SAMMSON: variants seen among roughly 807,000 people sequenced by gnomAD.
SAMMSON encodes the protein long intergenic non-protein coding RNA 1212.
At chr3:70,158,867 A>G (rs1327366106) in intron 4 of SAMMSON, among the ~76,000 whole-genome samples, 1 of 152,090 alleles carries the variant, frequency 6.6e-6, no homozygotes, top group Admixed American at 6.6e-5. Flanking sequence ...GTGTATTTTT[A>G]ATATCAAAGC....
chr3:70,431,988 T>A lies in SAMMSON; in HGVS notation n.234-30572T>A, dbSNP rs115519978. ...TTATTAACAAATTGAGCATATTTTG[T>A]TTCTGCTTTTTAACTATTAATAATA... On this transcript the variant is annotated intron_variant and non_coding_transcript_variant, in intron 2 of 3. Transcript: ENST00000641053. 9.8e-3 allele frequency among the ~76,000 whole-genome samples: 1,493 copies of A among 151,640 alleles called. 13 individuals are homozygous for A. The highest frequency in any genetic ancestry group is 0.016 in the Non-Finnish European group (1,067 of 67,884).
chr3:70,369,497 C>T (rs1194288009), intron 9 of SAMMSON, among the ~76,000 whole-genome samples: 7 of 150,570 alleles, frequency 4.6e-5, no homozygotes, highest in Non-Finnish European at 1.0e-4. Flanking sequence ...ATTTTTTTTC[C>T]GTACCTGTAT....
At chr3:70,220,588 A>G (rs1220098475) in intron 4 of SAMMSON, among the ~76,000 whole-genome samples, 1 of 152,202 alleles carries the variant, frequency 6.6e-6, no homozygotes, top group East Asian at 1.9e-4. Context: ...GGTTGGAAAC[A>G]TAGTCAGGAC....
chr3:70,320,998 G>GA (rs1004608664), intron 7 of SAMMSON, among the ~76,000 whole-genome samples: 1 of 151,832 alleles, frequency 6.6e-6, no homozygotes, highest in South Asian at 2.1e-4. Context: ...AAAGAGCTTG[G>GA]AAAAAAACCT....
intron 6 of SAMMSON, among the ~76,000 whole-genome samples, chr3:70,262,502 G>T (rs1035518168): frequency 2.0e-5 from 3 of 152,198 alleles, no homozygotes; most frequent in African/African-American, 7.2e-5. Context: ...TATGGGGATG[G>T]CTTGGGGGCT....
intron 4 of SAMMSON, among the ~76,000 whole-genome samples, chr3:70,195,699 A>G (rs1464288422): frequency 2.0e-5 from 3 of 152,132 alleles, no homozygotes; most frequent in Non-Finnish European, 4.4e-5. Context: ...ATGCTTTTTT[A>G]TATTCAGTGA....
chr3:70,294,358 A>G (rs914293617), intron 7 of SAMMSON, among the ~76,000 whole-genome samples: 3 of 152,144 alleles, frequency 2.0e-5, no homozygotes, highest in African/African-American at 7.2e-5. Context: ...ATTCAATTCT[A>G]TTTCAATTTA....
intron 4 of SAMMSON, among the ~76,000 whole-genome samples, chr3:70,237,603 A>G (rs1166821484): frequency 6.6e-6 from 1 of 152,210 alleles, no homozygotes; most frequent in Non-Finnish European, 1.5e-5. Context: ...ACTCCCACAG[A>G]GCTAAACCTA....
intron 4 of SAMMSON, among the ~76,000 whole-genome samples, chr3:70,098,846 G>A (rs143940496): frequency 9.2e-5 from 14 of 152,196 alleles, no homozygotes; most frequent in Admixed American, 4.6e-4. Context: ...AAAGTGTGGC[G>A]ATTATTGTTT....
intron 6 of SAMMSON, among the ~76,000 whole-genome samples, chr3:70,263,642 G>A (rs1701888490): frequency 6.6e-6 from 1 of 152,192 alleles, no homozygotes; most frequent in African/African-American, 2.4e-5. Context: ...TTCAGCAAAA[G>A]ACTCAAGGGA....
intron 9 of SAMMSON, among the ~76,000 whole-genome samples, chr3:70,361,315 A>C (rs1021862745): frequency 6.6e-6 from 1 of 152,216 alleles, no homozygotes; most frequent in East Asian, 1.9e-4. Flanking sequence ...AACTGAATGC[A>C]GTCACATCCG....
chr3:70,206,126 A>G (rs1055150243), intron 4 of SAMMSON, among the ~76,000 whole-genome samples: 5 of 152,032 alleles, frequency 3.3e-5, no homozygotes, highest in Non-Finnish European at 7.4e-5. Context: ...GAGATTGCTT[A>G]ATCTCATAGA....
chr3:70,016,378 G>A (rs2066985815), intron 3 of SAMMSON, among the ~76,000 whole-genome samples: 1 of 152,124 alleles, frequency 6.6e-6, no homozygotes. Flanking sequence ...AGAAGACATT[G>A]AGATCCTTTT....
intron 4 of SAMMSON, among the ~76,000 whole-genome samples, chr3:70,194,962 T>C (rs144637006): frequency 6.6e-6 from 1 of 152,086 alleles, no homozygotes; most frequent in Non-Finnish European, 1.5e-5. Flanking sequence ...GAAACAACTG[T>C]TGATGAGTCA....
At chr3:70,214,956 A>T (rs889173390) in intron 4 of SAMMSON, among the ~76,000 whole-genome samples, 3 of 152,164 alleles carry the variant, frequency 2.0e-5, no homozygotes, top group African/African-American at 7.2e-5. Flanking sequence ...CTGAAAAAAT[A>T]AATGAAGCCA....
intron 4 of SAMMSON, among the ~76,000 whole-genome samples, chr3:70,088,124 A>C (rs1465900126): frequency 6.6e-6 from 1 of 152,142 alleles, no homozygotes; most frequent in African/African-American, 2.4e-5. Context: ...TTCTTCACTT[A>C]GGGTCTCCAA....
intron 2 of SAMMSON, among the ~76,000 whole-genome samples, chr3:70,403,028 G>A (rs964927969): frequency 3.9e-5 from 6 of 151,990 alleles, no homozygotes; most frequent in Non-Finnish European, 8.8e-5. Flanking sequence ...TGGTCTGTAT[G>A]CTTTATAGTC....
intron 3 of SAMMSON, among the ~76,000 whole-genome samples, chr3:70,038,168 A>G (rs1195689667): frequency 1.3e-5 from 2 of 152,150 alleles, no homozygotes; most frequent in South Asian, 2.1e-4. Context: ...TTTGATCCCC[A>G]ATGTGGCAGT....
chr3:70,328,327 T>G (rs183275018), intron 7 of SAMMSON, among the ~76,000 whole-genome samples: 1 of 152,160 alleles, frequency 6.6e-6, no homozygotes, highest in East Asian at 1.9e-4. Context: ...TCTGTAGTAA[T>G]TGGGGAGAAA....
Sources: gnomAD v4.1 joint callset for allele counts (sites outside exome capture counted in the v4.1 genomes callset) on GRCh38, gnomAD v4.1.1 for gene constraint, MANE v1.5 for transcripts, NCBI Gene and HGNC (gene_info 2026-07-23, HGNC 2026-07-21) for gene names.